The following SPAG17 variants were observed in gnomAD, a reference collection of about 807,000 sequenced individuals.
The protein encoded by SPAG17 is sperm-associated antigen 17.
A neutral mutation model predicts 273.6 loss-of-function variants in SPAG17; 169 were observed. The ratio of observed to expected loss-of-function variants is 0.62; its 90% CI spans 0.55 to 0.70. The LOEUF (loss-of-function observed/expected upper bound fraction) is 0.70. SPAG17 is among the 30% of genes least tolerant of loss of function. The pLI is 0.00. For synonymous variants in SPAG17, 825 were observed against 873.2 expected, an observed-to-expected ratio of 0.94 and a Z score of 0.97; for missense variants, 2,557 against 2,627.8, an observed-to-expected ratio of 0.97 and a Z score of 0.59.
intron 27 of SPAG17, among the ~76,000 whole-genome samples, chr1:118,024,575 C>G (rs573164175): frequency 1.5e-4 from 23 of 151,816 alleles, no homozygotes; most frequent in Non-Finnish European, 2.8e-4. Context: ...CATTGAGAAT[C>G]CCTTTTACTT....
intron 43 of SPAG17, among the ~76,000 whole-genome samples, chr1:117,979,166 G>A (rs1018304223): frequency 6.6e-6 from 1 of 152,084 alleles, no homozygotes; most frequent in Non-Finnish European, 1.5e-5. Context: ...ACCGCGCCTG[G>A]CCTACTGGCG....
rs373003029 is a variant in SPAG17, at chr1:118,008,156, C to T, written c.4475G>A (p.Arg1492Gln). Residue 1492 changes from arginine to glutamine, a missense_variant, in exon 31 of 49, where the codon CGG (arginine) becomes CAG (glutamine). Transcript: ENST00000336338. ...AGTGGCATAGCGTGAGCTTTCTACCCGCATACACTTCACCTGCCTGGTGAC... is the reference window on the plus strand; with the variant it reads ...AGTGGCATAGCGTGAGCTTTCTACCTGCATACACTTCACCTGCCTGGTGAC... ...RTVTRQVKCMRVESSRYATVI... is the reference protein window; with the variant it reads ...RTVTRQVKCMQVESSRYATVI... 7.4e-6 allele frequency: 12 copies of T among 1,613,868 alleles called. No individual in the cohort carries two copies. In the East Asian group the frequency reaches 1.1e-4, roughly 15 times the overall value.
Position 118,093,327 on chromosome 1 carries a change from A to G in SPAG17, c.1012-10T>C, listed in dbSNP as rs750282962. On this transcript the variant is annotated splice_polypyrimidine_tract_variant and intron_variant, in intron 7 of 48. Transcript: ENST00000336338. ...CAGTGCCCAATTTCAGCTACAAGTG[A>G]GAGATTTAATGGCAATTGGTTACTA... The G allele has an allele frequency of 1.3e-6, 2 of 1,597,934 alleles. No homozygotes were observed. The highest frequency in any genetic ancestry group is 1.7e-6 in the Non-Finnish European group (2 of 1,171,206).
At chr1:118,009,990 G>A (rs1010639081) in intron 30 of SPAG17, among the ~76,000 whole-genome samples, 1 of 152,036 alleles carries the variant, frequency 6.6e-6, no homozygotes, top group African/African-American at 2.4e-5. Flanking sequence ...AAATAATCCA[G>A]GTACAGAAAG....
intron 3 of SPAG17, among the ~76,000 whole-genome samples, chr1:118,146,171 C>T (rs1197715046): frequency 6.6e-6 from 1 of 152,136 alleles, no homozygotes; most frequent in African/African-American, 2.4e-5. Flanking sequence ...AAAATTTGCA[C>T]ATTTATCCCA....
At chr1:118,101,571 A>C (rs1256670548) in intron 5 of SPAG17, among the ~76,000 whole-genome samples, 169 bp downstream of exon 5, 1 of 152,214 alleles carries the variant, frequency 6.6e-6, no homozygotes, top group Non-Finnish European at 1.5e-5. Context: ...CAATCGCATC[A>C]CAGTTCATGA....
At chr1:118,081,941 A>G (rs1358524797) in intron 13 of SPAG17, among the ~76,000 whole-genome samples, 2 of 152,242 alleles carry the variant, frequency 1.3e-5, no homozygotes, top group Non-Finnish European at 2.9e-5. Flanking sequence ...CCAGGGTACC[A>G]TATTGGTTGA....
At chr1:118,090,711 T>C (rs917918814) in intron 10 of SPAG17, among the ~76,000 whole-genome samples, 2 of 151,936 alleles carry the variant, frequency 1.3e-5, no homozygotes, top group Non-Finnish European at 2.9e-5. Flanking sequence ...TAGCAAGGCC[T>C]TGTCTCTCCA....
At chr1:118,073,789 C>T in intron 17 of SPAG17, 65 bp downstream of exon 17, 1 of 1,087,830 alleles carries the variant, frequency 9.2e-7, no homozygotes, top group Non-Finnish European at 1.3e-6. Flanking sequence ...GTGAACTGTT[C>T]TAAATCACAG....
chr1:117,996,222 T>C (rs1312645925), intron 34 of SPAG17, 148 bp downstream of exon 34: 5 of 847,750 alleles, frequency 5.9e-6, no homozygotes, highest in Admixed American at 2.6e-5. Context: ...CTTATTCATG[T>C]CAACTTATTT....
chr1:118,059,530 A>G (rs1450850061), intron 18 of SPAG17, among the ~76,000 whole-genome samples: 2 of 152,052 alleles, frequency 1.3e-5, no homozygotes, highest in Admixed American at 6.5e-5. Flanking sequence ...TAGGAATCCA[A>G]TCCTAGTGCT....
At chr1:118,174,889 G>A (rs1660613433) in intron 1 of SPAG17, among the ~76,000 whole-genome samples, 1 of 152,170 alleles carries the variant, frequency 6.6e-6, no homozygotes, top group African/African-American at 2.4e-5. Context: ...AAATGAAGAA[G>A]AAATGAAGAC....
At chr1:117,981,200 C>T in intron 43 of SPAG17, 70 bp downstream of exon 43, 1 of 1,464,040 alleles carries the variant, frequency 6.8e-7, no homozygotes, top group Non-Finnish European at 9.0e-7. Flanking sequence ...CTCCTAGCGC[C>T]ATCTCCCATA....
Position 118,171,990 on chromosome 1 carries a change from T to C in SPAG17, c.87+13081A>G, listed in dbSNP as rs575869574. 4.6e-5 allele frequency among the ~76,000 whole-genome samples: 7 copies of C among 152,290 alleles called. No homozygotes were observed. In the South Asian group the frequency reaches 1.4e-3, roughly 32 times the overall value. ...AGCCTAGATACCCTGGGAGTCTCCA[T>C]CTCTGAATGAGTATTGTAAAGGACA... On this transcript the variant is annotated intron_variant, in intron 1 of 48. Coordinates refer to ENST00000336338, the MANE Select transcript of SPAG17 (RefSeq NM_206996.4).
chr1:117,959,202 C>G (rs1282698291), intron 48 of SPAG17: 1 of 1,479,562 alleles, frequency 6.8e-7, no homozygotes, highest in East Asian at 2.3e-5. Context: ...GTAACAACAC[C>G]TGAAGCTTTG....
At chr1:118,056,872 G>T (rs921391881) in intron 18 of SPAG17, among the ~76,000 whole-genome samples, 3 of 152,146 alleles carry the variant, frequency 2.0e-5, no homozygotes, top group Middle Eastern at 6.3e-3. Context: ...CCAACCTGCA[G>T]CATCCAAATT....
At chr1:117,964,091 C>A in intron 47 of SPAG17, 153 bp from the exon 48 acceptor site, 1 of 783,082 alleles carries the variant, frequency 1.3e-6, no homozygotes, top group Non-Finnish European at 2.0e-6. Flanking sequence ...CATGCTCAGG[C>A]TTGGGGGTTA....
At chr1:117,956,383 T>C (rs1246041917) in intron 48 of SPAG17, among the ~76,000 whole-genome samples, 1 of 152,208 alleles carries the variant, frequency 6.6e-6, no homozygotes, top group Admixed American at 6.5e-5. Flanking sequence ...ATCATTTTCA[T>C]AATGAACCAC....
chr1:117,987,928 A>G (rs1345817792), intron 39 of SPAG17, 47 bp from the exon 40 acceptor site: 1 of 1,606,558 alleles, frequency 6.2e-7, no homozygotes, highest in Non-Finnish European at 8.5e-7. Context: ...CAATGATTTC[A>G]GCTTAAAAAC....
Sources: allele counts gnomAD v4.1 joint callset (sites outside exome capture counted in the v4.1 genomes callset), GRCh38; gene constraint gnomAD v4.1.1; transcripts MANE v1.5; gene names NCBI Gene and HGNC (gene_info 2026-07-23, HGNC 2026-07-21).